ALOX5AP: variants seen among roughly 807,000 people sequenced by gnomAD.
ALOX5AP encodes the protein arachidonate 5-lipoxygenase-activating protein.
A neutral mutation model predicts 18.5 loss-of-function variants in ALOX5AP; 9 were observed. The ratio of observed to expected loss-of-function variants is 0.49; its 90% CI spans 0.29 to 0.85. The LOEUF (loss-of-function observed/expected upper bound fraction) is 0.85, where lower values mean the gene tolerates loss of function less well. ALOX5AP is among the 40% of genes least tolerant of loss of function. ALOX5AP has a pLI of 0.08. For synonymous variants in ALOX5AP, 81 were observed against 78.6 expected, an observed-to-expected ratio of 1.03 and a Z score of -0.16; for missense variants, 172 against 202.5, an observed-to-expected ratio of 0.85 and a Z score of 0.91.
At chr13:30,716,116 G>A (rs1033129634) in intron 1 of ALOX5AP, among the ~76,000 whole-genome samples, 2 of 152,238 alleles carry the variant, frequency 1.3e-5, no homozygotes, top group Non-Finnish European at 2.9e-5. Flanking sequence ...GGAGCTACTT[G>A]CTTCTTTGTC....
chr13:30,740,332 A>G (rs1191636049), intron 1 of ALOX5AP, among the ~76,000 whole-genome samples: 1 of 152,202 alleles, frequency 6.6e-6, no homozygotes, highest in Admixed American at 6.5e-5. Context: ...TCCTTCACTG[A>G]GCAGTGGAGT....
intron 2 of ALOX5AP, among the ~76,000 whole-genome samples, chr13:30,746,132 A>G (rs1245644726): frequency 6.6e-6 from 1 of 152,236 alleles, no homozygotes; most frequent in East Asian, 1.9e-4. Flanking sequence ...CAGCCTCCAA[A>G]TTGCAGAAGT....
Position 30,748,462 on chromosome 13 carries a change from T to G in ALOX5AP, c.171-3590T>G, listed in dbSNP as rs201828763. 2.2e-4 allele frequency among the ~76,000 whole-genome samples: 34 copies of G among 152,302 alleles called. No homozygotes were observed. The East Asian group carries it at 4.6e-3, about 21-fold the overall frequency. On this transcript the variant is annotated intron_variant, in intron 2 of 4. Transcript: ENST00000380490. Reference sequence around the variant, plus strand: ...CTTTTCTCCATAAAAACATGAATAGTGCAGCACATCAAGTTGAACATACCA... The same window carrying G: ...CTTTTCTCCATAAAAACATGAATAGGGCAGCACATCAAGTTGAACATACCA...
At chr13:30,722,526 G>A (rs145042255) in intron 1 of ALOX5AP, among the ~76,000 whole-genome samples, 205 of 152,278 alleles carry the variant, frequency 1.3e-3, no homozygotes, top group African/African-American at 4.7e-3. Flanking sequence ...TATATGCTCA[G>A]TAAGTATTTG....
Position 30,764,120 on chromosome 13 carries a change from A to G in ALOX5AP, c.*14A>G, listed in dbSNP as rs1285991323. The G allele has an allele frequency of 2.5e-6, 4 of 1,612,126 alleles. No homozygotes were observed. The highest frequency in any genetic ancestry group is 2.7e-5 in the African/African-American group (2 of 74,868). On this transcript the variant is annotated 3_prime_UTR_variant, in exon 5 of 5. Coordinates refer to ENST00000380490, the MANE Select transcript of ALOX5AP (RefSeq NM_001629.4). ...CTCATTCCCTAACTCTCTGCTGAATATGGGGTTGGTGTTCTCATCTAATCA... is the reference window on the plus strand; with the variant it reads ...CTCATTCCCTAACTCTCTGCTGAATGTGGGGTTGGTGTTCTCATCTAATCA...
At chr13:30,717,056 C>A (rs556467792) in intron 1 of ALOX5AP, among the ~76,000 whole-genome samples, 2 of 152,306 alleles carry the variant, frequency 1.3e-5, no homozygotes, top group African/African-American at 2.4e-5. Flanking sequence ...ACTGCCCATG[C>A]GGCCGATCTG....
At chr13:30,730,327 C>A (rs1951671395) in intron 1 of ALOX5AP, among the ~76,000 whole-genome samples, 1 of 152,178 alleles carries the variant, frequency 6.6e-6, no homozygotes, top group Non-Finnish European at 1.5e-5. Flanking sequence ...GAAGGAGAAA[C>A]AACACTTTAA....
At chr13:30,735,422 T>G, upstream of ALOX5AP, 5 of 1,285,214 alleles carry the variant, frequency 3.9e-6, no homozygotes, top group African/African-American at 1.7e-5. Context: ...CCAGGGCATT[T>G]TGGTGGTTAG....
intron 1 of ALOX5AP, among the ~76,000 whole-genome samples, chr13:30,736,018 G>T (rs1487890221): frequency 6.6e-6 from 1 of 152,136 alleles, no homozygotes; most frequent in Non-Finnish European, 1.5e-5. Context: ...AAGGTGAGAA[G>T]ACTAGAAAGG....
chr13:30,720,218 T>C (rs1015858524), intron 1 of ALOX5AP, among the ~76,000 whole-genome samples: 6 of 152,238 alleles, frequency 3.9e-5, no homozygotes, highest in African/African-American at 1.4e-4. Context: ...GGCATTTTTT[T>C]CTAATTTTCT....
At chr13:30,762,103 T>A (rs1036731609) in intron 4 of ALOX5AP, among the ~76,000 whole-genome samples, 7 of 152,146 alleles carry the variant, frequency 4.6e-5, no homozygotes, top group Non-Finnish European at 1.0e-4. Context: ...GCTTTTCTGA[T>A]GTGAGTGGGT....
At chr13:30,730,464 A>C (rs1237234435) in intron 1 of ALOX5AP, among the ~76,000 whole-genome samples, 1 of 152,244 alleles carries the variant, frequency 6.6e-6, no homozygotes, top group Non-Finnish European at 1.5e-5. Flanking sequence ...GACTGACTGA[A>C]ATGAAAAGGA....
At chr13:30,732,978 A>G (rs926483348), upstream of ALOX5AP, among the ~76,000 whole-genome samples, 3 of 151,806 alleles carry the variant, frequency 2.0e-5, no homozygotes, top group Non-Finnish European at 4.4e-5. Flanking sequence ...ACACGGTGAA[A>G]CCCCCGTCTC....
chr13:30,743,286 A>G (rs9285075), intron 1 of ALOX5AP, among the ~76,000 whole-genome samples: 152,119 of 152,124 alleles, frequency 1, 76,057 homozygotes, highest in Middle Eastern at 1. Context: ...TCAGCACACC[A>G]TATCATTTTA....
At chr13:30,720,578 G>T (rs1046266097) in intron 1 of ALOX5AP, among the ~76,000 whole-genome samples, 6 of 152,192 alleles carry the variant, frequency 3.9e-5, no homozygotes, top group Admixed American at 2.6e-4. Context: ...ACAGTAATAT[G>T]AATTTAGCCA....
At chr13:30,742,859 G>GCC (rs11316477) in intron 1 of ALOX5AP, among the ~76,000 whole-genome samples, 13 of 106,032 alleles carry the variant, frequency 1.2e-4, no homozygotes, top group Admixed American at 2.1e-4. Context: ...GACCTTCACC[G>GCC]CCCCCCCCCC....
chr13:30,757,521 C>A (rs1951906088), intron 4 of ALOX5AP, among the ~76,000 whole-genome samples: 2 of 152,248 alleles, frequency 1.3e-5, no homozygotes, highest in African/African-American at 2.4e-5. Context: ...CTCTATCATG[C>A]CTTTTCCCAT....
intron 1 of ALOX5AP, among the ~76,000 whole-genome samples, chr13:30,720,924 C>T (rs1473251564): frequency 6.6e-6 from 1 of 152,130 alleles, no homozygotes; most frequent in Admixed American, 6.6e-5. Flanking sequence ...AATTTTCCTT[C>T]CCACTTCTCT....
At chr13:30,755,226 A>G (rs527507542) in intron 3 of ALOX5AP, among the ~76,000 whole-genome samples, 2 of 152,336 alleles carry the variant, frequency 1.3e-5, no homozygotes, top group African/African-American at 2.4e-5. Context: ...CCAAAAGGCT[A>G]GAATGCAGAG....
Sources: allele counts gnomAD v4.1 joint callset (sites outside exome capture counted in the v4.1 genomes callset), GRCh38; gene constraint gnomAD v4.1.1; transcripts MANE v1.5; gene names NCBI Gene and HGNC (gene_info 2026-07-23, HGNC 2026-07-21).